The following EYS variants were observed in gnomAD, a reference collection of about 807,000 sequenced individuals.
EYS encodes the protein protein eyes shut homolog.
A neutral mutation model predicts 282.1 loss-of-function variants in EYS; 250 were observed. The ratio of observed to expected loss-of-function variants is 0.89; its 90% CI spans 0.80 to 0.98. EYS has a LOEUF of 0.98. EYS is among the 50% of genes least tolerant of loss of function. EYS has a pLI of 0.00. For missense variants in EYS, 4,016 were observed against 3,709.0 expected, an observed-to-expected ratio of 1.08 and a Z score of -2.15; for synonymous variants, 1,355 against 1,282.9, an observed-to-expected ratio of 1.06 and a Z score of -1.20.
At chr6:64,313,805 A>G (rs1769824900) in intron 29 of EYS, among the ~76,000 whole-genome samples, 1 of 152,152 alleles carries the variant, frequency 6.6e-6, no homozygotes, top group South Asian at 2.1e-4. Context: ...TTCATTACAG[A>G]CAAGCAAATG....
intron 31 of EYS, among the ~76,000 whole-genome samples, chr6:64,164,719 G>A (rs1016932637): frequency 1.3e-4 from 20 of 152,204 alleles, no homozygotes; most frequent in South Asian, 4.1e-4. Flanking sequence ...GGCTTTTGCC[G>A]AGGACCTCAC....
chr6:63,982,726 G>A (rs1010758564), intron 35 of EYS, among the ~76,000 whole-genome samples: 2 of 151,792 alleles, frequency 1.3e-5, no homozygotes, highest in African/African-American at 4.8e-5. Flanking sequence ...CAGTCAGGGA[G>A]GGAGGATCAC....
chr6:64,691,089 T>A (rs1032800753), intron 22 of EYS, among the ~76,000 whole-genome samples: 1 of 152,076 alleles, frequency 6.6e-6, no homozygotes, highest in Admixed American at 6.6e-5. Flanking sequence ...CATTTGAAAA[T>A]TTTATCATCC....
chr6:64,251,294 T>A (rs530397998), intron 30 of EYS, among the ~76,000 whole-genome samples: 2 of 152,160 alleles, frequency 1.3e-5, no homozygotes, highest in Non-Finnish European at 2.9e-5. Flanking sequence ...AATTGCATAA[T>A]CTTTATGTAC....
chr6:63,741,152 G>A (rs747511444), intron 41 of EYS, among the ~76,000 whole-genome samples: 9 of 152,174 alleles, frequency 5.9e-5, no homozygotes. Context: ...AGTTTTCTGA[G>A]AGGAATAATA....
chr6:64,798,145 C>T (rs1307449102), intron 22 of EYS, among the ~76,000 whole-genome samples: 1 of 151,882 alleles, frequency 6.6e-6, no homozygotes, highest in Non-Finnish European at 1.5e-5. Flanking sequence ...GTCACACCTA[C>T]ATATGCCTGC....
At chr6:65,140,565 T>A (rs1004732443) in intron 12 of EYS, among the ~76,000 whole-genome samples, 2 of 150,812 alleles carry the variant, frequency 1.3e-5, no homozygotes, top group African/African-American at 4.9e-5. Flanking sequence ...ACCTACAAAA[T>A]GGGAGAAAAT....
intron 12 of EYS, among the ~76,000 whole-genome samples, chr6:65,235,515 T>C (rs1562040976): frequency 6.6e-6 from 1 of 152,172 alleles, no homozygotes; most frequent in Non-Finnish European, 1.5e-5. Flanking sequence ...CTTTATATAG[T>C]TCATAATGCC....
rs191846112 is a variant in EYS at position 64,002,535 on chromosome 6, G to A, written c.6726-3352C>T. 1.4e-3 allele frequency among the ~76,000 whole-genome samples: 208 copies of A among 152,264 alleles called. 1 individual carries two copies. Among genetic ancestry groups the A allele is most frequent in the Admixed American group, 2.3e-3 (35 of 15,306 alleles). On this transcript the variant is annotated intron_variant, in intron 33 of 42. Coordinates refer to ENST00000503581, the MANE Select transcript of EYS (RefSeq NM_001142800.2). ...CAGACTCCCACCCCTAGATGCTACC[G>A]CAGGGCCAAGAGCCCAAAGCACTCA...
chr6:64,361,737 CACTT>C (rs1772016119), intron 29 of EYS, among the ~76,000 whole-genome samples: 3 of 151,810 alleles, frequency 2.0e-5, no homozygotes, highest in Admixed American at 2.0e-4. Flanking sequence ...AACACATACA[CACTT>C]ACATACACAT....
At position 64,716,255 on chromosome 6, in the gene EYS, G is replaced by A. The variant is rs543705133; in HGVS notation, c.3444-90010C>T. ...AGAAAGCAGTCAAGTCATGGTAGCC[G>A]CTCCATCCATCCATATATTCAGCAC... On this transcript the variant is annotated intron_variant, in intron 22 of 42. Transcript: ENST00000503581. 8.5e-5 allele frequency among the ~76,000 whole-genome samples: 13 copies of A among 152,240 alleles called. No homozygotes were observed. The South Asian group carries it at 1.5e-3, about 17-fold the overall frequency.
intron 2 of EYS, among the ~76,000 whole-genome samples, chr6:65,631,388 C>T (rs1455279910): frequency 2.0e-5 from 3 of 151,722 alleles, no homozygotes; most frequent in African/African-American, 7.3e-5. Flanking sequence ...TTTCCTCCAG[C>T]TACTGTGAAA....
chr6:63,813,092 C>T (rs1771090221), intron 36 of EYS, among the ~76,000 whole-genome samples: 1 of 152,166 alleles, frequency 6.6e-6, no homozygotes, highest in South Asian at 2.1e-4. Flanking sequence ...AATCCTCTCA[C>T]CTCAGCCTCC....
At chr6:65,640,440 AAC>A (rs1277179689) in intron 1 of EYS, among the ~76,000 whole-genome samples, 1 of 152,184 alleles carries the variant, frequency 6.6e-6, no homozygotes, top group East Asian at 1.9e-4. Context: ...TCCTTTAGGA[AAC>A]TTTTTAATAC....
chr6:65,146,546 A>G (rs1764481062), intron 12 of EYS, among the ~76,000 whole-genome samples: 1 of 151,984 alleles, frequency 6.6e-6, no homozygotes. Flanking sequence ...CATTTTCTTC[A>G]AGTAATCCTT....
At chr6:65,320,550 A>C (rs1363479710) in intron 11 of EYS, among the ~76,000 whole-genome samples, 1 of 152,158 alleles carries the variant, frequency 6.6e-6, no homozygotes, top group Non-Finnish European at 1.5e-5. Flanking sequence ...CAGTGGAGGA[A>C]CTGCTCCTTG....
At chr6:64,919,109 G>C (rs1218669344) in intron 15 of EYS, among the ~76,000 whole-genome samples, 5 of 152,148 alleles carry the variant, frequency 3.3e-5, no homozygotes, top group African/African-American at 1.2e-4. Context: ...GCAGATTAGA[G>C]TAAGCATGTG....
At chr6:64,351,484 T>C (rs1771637886) in intron 29 of EYS, among the ~76,000 whole-genome samples, 1 of 151,468 alleles carries the variant, frequency 6.6e-6, no homozygotes, top group African/African-American at 2.4e-5. Flanking sequence ...TTTGTATTTA[T>C]ATCTATCTAC....
chr6:63,919,312 CTTTTTTTTTTTTT>C (rs562177760), intron 35 of EYS, among the ~76,000 whole-genome samples: 2 of 49,384 alleles, frequency 4.0e-5, no homozygotes, highest in South Asian at 1.2e-3. Context: ...AGGGAACAGA[CTTTTTTTTTTTTT>C]TTTTTTTTTT....
Sources: gnomAD v4.1 joint callset for allele counts (sites outside exome capture counted in the v4.1 genomes callset) on GRCh38, gnomAD v4.1.1 for gene constraint, MANE v1.5 for transcripts, NCBI Gene and HGNC (gene_info 2026-07-23, HGNC 2026-07-21) for gene names.